The following RUFY3 variants were observed in gnomAD, a reference collection of about 807,000 sequenced individuals.
The protein encoded by RUFY3 is RUN and FYVE domain containing 3.
In RUFY3, 34 loss-of-function variants were observed where a neutral mutation model predicts 84.0. The observed-to-expected ratio is 0.40, with a 90% CI of 0.31 to 0.54. The LOEUF (loss-of-function observed/expected upper bound fraction) is 0.54, where lower values mean the gene tolerates loss of function less well. Ranked by LOEUF, RUFY3 falls within the 20% of genes least tolerant of loss-of-function variation. RUFY3 has a pLI of 0.39. For synonymous variants in RUFY3, 242 were observed against 252.9 expected (o/e 0.96, Z 0.41); for missense variants, 507 against 736.8 (o/e 0.69, Z 3.61).
In RUFY3 at chr4:70,802,947, C is replaced by T; in HGVS notation, c.1623-9C>T. ...CTATTTGTCACAATTTTTTACTTCT[C>T]CATTGTAGGCTGCAACCCCACCCTA... is the stretch of plus-strand genomic sequence containing the variant. On this transcript the variant is annotated splice_polypyrimidine_tract_variant and intron_variant, in intron 15 of 17. Transcript: ENST00000381006. 3 of 1,597,250 alleles carry T rather than the reference C, an allele frequency of 1.9e-6. No homozygotes were observed. Among genetic ancestry groups the T allele is most frequent in the South Asian group, 2.3e-5 (2 of 88,480 alleles).
At chr4:70,725,423 C>T (rs184163662) in intron 1 of RUFY3, among the ~76,000 whole-genome samples, 53 of 151,914 alleles carry the variant, frequency 3.5e-4, no homozygotes, top group African/African-American at 1.1e-3. Flanking sequence ...CTCTGCCTAC[C>T]GGGTTCAAGC....
In RUFY3 at chr4:70,783,271, C is replaced by T. The variant is rs1211398524; in HGVS notation, c.987+88C>T. Reference sequence around the variant, plus strand: ...GGAGTCTCTAAAGGACTATTTTAAGCAGCTGGCCTGTATCAAGCACACTTT... The same window carrying T: ...GGAGTCTCTAAAGGACTATTTTAAGTAGCTGGCCTGTATCAAGCACACTTT... On this transcript the variant is annotated intron_variant, in intron 9 of 17. Transcript: ENST00000381006. The T allele has an allele frequency of 1.4e-5, 11 of 797,954 alleles. No homozygotes were observed. In the South Asian group the frequency reaches 1.7e-4, roughly 13 times the overall value. 49.4% of individuals were successfully genotyped at this position (797,954 alleles called of 1,614,324 possible). A position where few individuals can be genotyped will look rare whatever the true frequency, so the allele number is the denominator to read the frequency against.
rs188012087 is a variant in RUFY3, at chr4:70,747,466, C to T, written c.179-15053C>T. Among the ~76,000 whole-genome samples, 822 of 151,780 alleles carry T rather than the reference C, an allele frequency of 5.4e-3. 8 individuals are homozygous for T. The highest frequency in any genetic ancestry group is 9.5e-3 in the Admixed American group (144 of 15,234). ...TGTGCTGCCTCTCTGGTATATACAT[C>T]CATTTGTACGGTAGCCACTGTCTAG... On this transcript the variant is annotated intron_variant, in intron 1 of 17. Coordinates refer to ENST00000381006, the MANE Select transcript of RUFY3 (RefSeq NM_001037442.4).
At chr4:70,730,342 C>T (rs377457369) in intron 1 of RUFY3, among the ~76,000 whole-genome samples, 2 of 152,068 alleles carry the variant, frequency 1.3e-5, no homozygotes, top group African/African-American at 2.4e-5. Context: ...AGTTACTTTC[C>T]GCTAGGAATT....
At chr4:70,750,819 T>A (rs1212611332) in intron 1 of RUFY3, among the ~76,000 whole-genome samples, 1 of 152,224 alleles carries the variant, frequency 6.6e-6, no homozygotes, top group Non-Finnish European at 1.5e-5. Context: ...TTCTGGGCAT[T>A]TTATATAAAC....
chr4:70,799,112 T>C (rs1485321702), intron 14 of RUFY3, among the ~76,000 whole-genome samples: 3 of 134,984 alleles, frequency 2.2e-5, no homozygotes, highest in Non-Finnish European at 4.6e-5. Flanking sequence ...GCCACTGCAC[T>C]CCAGCCTGGG....
rs111760759 is a variant in RUFY3, at chr4:70,722,856, T to C, written c.178+105T>C. 1.7e-5 allele frequency: 18 copies of C among 1,088,658 alleles called. No homozygotes were observed. In the African/African-American group the frequency reaches 2.8e-4, roughly 17 times the overall value. The allele number at this position is 1,088,658 out of a possible 1,614,324, so 67.4% of individuals were successfully genotyped here. ...TAGAAAGAACCTACACTCTCAACTGTTAACAGTCCTGAAAACCTTGCATCC... is the reference window on the plus strand; with the variant it reads ...TAGAAAGAACCTACACTCTCAACTGCTAACAGTCCTGAAAACCTTGCATCC... On this transcript the variant is annotated intron_variant, in intron 1 of 17. Transcript: ENST00000381006.
chr4:70,769,809 GTTTTGT>G (rs933137205), intron 5 of RUFY3, among the ~76,000 whole-genome samples: 63 of 151,770 alleles, frequency 4.2e-4, no homozygotes, highest in African/African-American at 1.1e-3. Context: ...CTTTATTTTT[GTTTTGT>G]TTTTGTTTTT....
intron 8 of RUFY3, among the ~76,000 whole-genome samples, chr4:70,779,359 A>G (rs898925372): frequency 9.2e-5 from 14 of 152,230 alleles, no homozygotes; most frequent in South Asian, 2.1e-4. Flanking sequence ...CGGCCTCACA[A>G]TTAACTCTGA....
intron 8 of RUFY3, among the ~76,000 whole-genome samples, chr4:70,780,891 T>C (rs1020602874): frequency 1.3e-5 from 2 of 152,258 alleles, no homozygotes; most frequent in East Asian, 1.9e-4. Flanking sequence ...TTAAAGAAAA[T>C]ATGCTCTAAG....
chr4:70,773,055 G>A (rs1486203274), intron 5 of RUFY3, among the ~76,000 whole-genome samples: 2 of 152,214 alleles, frequency 1.3e-5, no homozygotes, highest in Admixed American at 1.3e-4. Context: ...TGGAGGAACA[G>A]ACACCAAAAT....
intron 8 of RUFY3, 135 bp downstream of exon 8, chr4:70,778,573 C>CTTTTTTTTTTTTTTTTTTT (rs377520137): frequency 1.4e-5 from 2 of 147,146 alleles, no homozygotes; most frequent in African/African-American, 3.9e-5. Context: ...ACTTCTTATT[C>CTTTTTTTTTTTTTTTTTTT]TTTTTTTTTT....
chr4:70,767,827 C>T (rs1726240613), intron 4 of RUFY3, among the ~76,000 whole-genome samples: 1 of 151,874 alleles, frequency 6.6e-6, no homozygotes, highest in Non-Finnish European at 1.5e-5. Context: ...TACAGGTGTG[C>T]ACCACCACAC....
chr4:70,786,642 ACAT>A (rs1464560837), intron 10 of RUFY3, among the ~76,000 whole-genome samples: 1 of 152,190 alleles, frequency 6.6e-6, no homozygotes, highest in Non-Finnish European at 1.5e-5. Context: ...TATTATCAAA[ACAT>A]CATGTTCTAT....
At chr4:70,783,305 A>C in intron 9 of RUFY3, 122 bp downstream of exon 9, 1 of 637,128 alleles carries the variant, frequency 1.6e-6, no homozygotes, top group Admixed American at 3.1e-5. Flanking sequence ...TTTTATTTAG[A>C]CTCCATGCAT....
At chr4:70,804,309 G>T in intron 16 of RUFY3, 39 bp from the exon 17 acceptor site, 1 of 1,540,726 alleles carries the variant, frequency 6.5e-7, no homozygotes, top group Non-Finnish European at 9.0e-7. Flanking sequence ...TAATATTTCT[G>T]GCACTAAGAA....
At chr4:70,705,060 G>C in exon 1 of RUFY3, 1 of 1,284,806 alleles carries the variant, frequency 7.8e-7, no homozygotes, top group Non-Finnish European at 9.8e-7. Context: ...GGACCGAGAG[G>C]GCGAGGCGGG....
At chr4:70,704,137 CTGTT>C (rs1577855833), upstream of RUFY3, 1 of 152,202 alleles carries the variant, frequency 6.6e-6, no homozygotes, top group African/African-American at 2.4e-5. Flanking sequence ...AAATTCTAAG[CTGTT>C]TGATTTAAAA....
At chr4:70,752,347 A>G (rs1723274379) in intron 1 of RUFY3, among the ~76,000 whole-genome samples, 1 of 152,096 alleles carries the variant, frequency 6.6e-6, no homozygotes, top group Non-Finnish European at 1.5e-5. Flanking sequence ...TTTTTTATAT[A>G]CAAGATCATG....
Sources: gnomAD v4.1 joint callset for allele counts (sites outside exome capture counted in the v4.1 genomes callset) on GRCh38, gnomAD v4.1.1 for gene constraint, MANE v1.5 for transcripts, NCBI Gene and HGNC (gene_info 2026-07-23, HGNC 2026-07-21) for gene names.